Variants in ACSS3 observed in about 807,000 individuals in gnomAD.
ACSS3 encodes acyl-CoA synthetase short chain family member 3.
In ACSS3, 64 loss-of-function variants were observed where a neutral mutation model predicts 84.2. The ratio of observed to expected loss-of-function variants is 0.76; its 90% CI spans 0.62 to 0.94. The LOEUF is 0.94. Ranked by LOEUF, ACSS3 falls within the 40% of genes least tolerant of loss-of-function variation. The pLI, the probability that ACSS3 is intolerant of heterozygous loss-of-function variation, is 0.00. For synonymous variants in ACSS3, 317 were observed against 310.1 expected (o/e 1.02, Z -0.23); for missense variants, 815 against 867.6 (o/e 0.94, Z 0.76).
chr12:81,253,757 C>T (rs2034222792), intron 15 of ACSS3, 87 bp downstream of exon 15: 1 of 1,370,270 alleles, frequency 7.3e-7, no homozygotes, highest in Non-Finnish European at 1.0e-6. Flanking sequence ...AAATGGTTCT[C>T]AAATGTGAAT....
At position 81,151,826 on chromosome 12, in the gene ACSS3, C is replaced by T. The variant is rs1370984386; in HGVS notation, c.922-18C>T. 1 of 1,602,844 alleles carries T rather than the reference C, an allele frequency of 6.2e-7. No homozygotes were observed. The highest frequency in any genetic ancestry group is 1.7e-5 in the Admixed American group (1 of 58,746). On this transcript the variant is annotated intron_variant, in intron 5 of 15. Transcript: ENST00000548058. ...ACACATTGTTTATTGATTTTAATTT[C>T]ACTTTTTCTCTCCTTAGGGTGTGAT...
At chr12:81,241,991 T>C (rs1463749456) in intron 13 of ACSS3, among the ~76,000 whole-genome samples, 1 of 152,186 alleles carries the variant, frequency 6.6e-6, no homozygotes, top group Admixed American at 6.5e-5. Flanking sequence ...AAGTCTTTAA[T>C]CCATCTTGAA....
At chr12:81,077,946 T>C, upstream of ACSS3, 2 of 712,436 alleles carry the variant, frequency 2.8e-6, no homozygotes, top group South Asian at 2.5e-5. Context: ...AGCCTGTTGC[T>C]TCTCTGGTCG....
At chr12:81,249,732 C>T (rs2034093382) in intron 13 of ACSS3, among the ~76,000 whole-genome samples, 1 of 151,964 alleles carries the variant, frequency 6.6e-6, no homozygotes, top group Admixed American at 6.6e-5. Flanking sequence ...TGACAAGTTT[C>T]CTAGATTACT....
In ACSS3 at chr12:81,253,344, T is replaced by C; in HGVS notation, c.1757T>C (p.Val586Ala). Residue 586 changes from valine (V) to alanine (A), a missense_variant, in exon 14 of 16, where the codon GTT becomes GCT. Coordinates refer to ENST00000548058, the MANE Select transcript of ACSS3 (RefSeq NM_024560.4). ...LSHGTVADCA[V>A]VGKEDPLKGH... ...CATGGTACCGTGGCAGACTGTGCTG[T>C]TGTTGGCAAGGAAGATCCCTTAAAA... 6.2e-7 allele frequency: 1 copy of C among 1,614,010 alleles called. No homozygotes were observed. The highest frequency in any genetic ancestry group is 8.5e-7 in the Non-Finnish European group (1 of 1,179,890).
intron 4 of ACSS3, 121 bp downstream of exon 4, chr12:81,139,386 G>A (rs1023512428): frequency 3.1e-5 from 35 of 1,123,328 alleles, no homozygotes; most frequent in Non-Finnish European, 4.1e-5. Context: ...GAATGTTATT[G>A]TTATTTCTAA....
intron 9 of ACSS3, among the ~76,000 whole-genome samples, chr12:81,209,321 A>G (rs2032489158): frequency 6.6e-6 from 1 of 151,792 alleles, no homozygotes; most frequent in Non-Finnish European, 1.5e-5. Flanking sequence ...TGAGACTTGC[A>G]CTAAATCTTT....
chr12:81,229,825 G>T (rs1387069421), intron 11 of ACSS3, among the ~76,000 whole-genome samples: 2 of 151,880 alleles, frequency 1.3e-5, no homozygotes, highest in Non-Finnish European at 2.9e-5. Flanking sequence ...GGAGAACTCC[G>T]CAGGATCACT....
At chr12:81,252,741 T>C (rs975189490) in intron 13 of ACSS3, among the ~76,000 whole-genome samples, 3 of 152,142 alleles carry the variant, frequency 2.0e-5, no homozygotes, top group South Asian at 2.1e-4. Flanking sequence ...ACAGTGGGGA[T>C]TATCTGATGT....
chr12:81,183,375 C>T (rs1386189300), intron 8 of ACSS3, among the ~76,000 whole-genome samples: 1 of 151,988 alleles, frequency 6.6e-6, no homozygotes, highest in East Asian at 1.9e-4. Flanking sequence ...TATCAAATAA[C>T]AAAGGTAGAC....
intron 2 of ACSS3, 127 bp from the exon 3 acceptor site, chr12:81,134,689 A>C: frequency 3.0e-6 from 2 of 664,038 alleles, no homozygotes; most frequent in East Asian, 3.2e-5. Flanking sequence ...ATCATCAAAT[A>C]TGTGTTACTT....
At chr12:81,248,979 A>G (rs1168436705) in intron 13 of ACSS3, among the ~76,000 whole-genome samples, 1 of 152,026 alleles carries the variant, frequency 6.6e-6, no homozygotes, top group African/African-American at 2.4e-5. Context: ...TGTTCTCATC[A>G]TAAGAAAATG....
intron 3 of ACSS3, among the ~76,000 whole-genome samples, chr12:81,137,681 T>G (rs1331747075): frequency 6.6e-6 from 1 of 152,162 alleles, no homozygotes; most frequent in Non-Finnish European, 1.5e-5. Context: ...GAGTCTAATT[T>G]TGACTTTATT....
At chr12:81,219,077 A>G (rs536592341) in intron 10 of ACSS3, among the ~76,000 whole-genome samples, 1 of 152,310 alleles carries the variant, frequency 6.6e-6, no homozygotes, top group Non-Finnish European at 1.5e-5. Flanking sequence ...TACTTCTTGC[A>G]TAAGCACTAT....
chr12:81,161,692 C>T (rs1887156498), intron 7 of ACSS3, among the ~76,000 whole-genome samples: 1 of 152,192 alleles, frequency 6.6e-6, no homozygotes, highest in South Asian at 2.1e-4. Context: ...TTACTTGAGC[C>T]TGCTGGGCTC....
intron 1 of ACSS3, among the ~76,000 whole-genome samples, chr12:81,099,975 A>G (rs1329035981): frequency 1.3e-5 from 2 of 152,172 alleles, no homozygotes; most frequent in African/African-American, 2.4e-5. Flanking sequence ...ACTTAGCTCA[A>G]TGTGTGAACC....
upstream of ACSS3, chr12:81,078,001 T>TTCTGGGC (rs1880721720): frequency 6.5e-6 from 8 of 1,224,736 alleles, no homozygotes; most frequent in Non-Finnish European, 8.7e-6. Flanking sequence ...GCTTCCAAAC[T>TTCTGGGC]TCTGGGCTCT....
At chr12:81,252,220 G>C (rs563636248) in intron 13 of ACSS3, among the ~76,000 whole-genome samples, 1 of 151,864 alleles carries the variant, frequency 6.6e-6, no homozygotes, top group Non-Finnish European at 1.5e-5. Context: ...TGCTTTTGCT[G>C]TATCTTTCAT....
intron 3 of ACSS3, among the ~76,000 whole-genome samples, chr12:81,136,003 C>T (rs1885779227): frequency 1.3e-5 from 2 of 152,074 alleles, no homozygotes; most frequent in South Asian, 4.1e-4. Context: ...TTATTAAGCT[C>T]CTGCTATGTT....
Sources: gnomAD v4.1 joint callset for allele counts (sites outside exome capture counted in the v4.1 genomes callset) on GRCh38, gnomAD v4.1.1 for gene constraint, MANE v1.5 for transcripts, NCBI Gene and HGNC (gene_info 2026-07-23, HGNC 2026-07-21) for gene names.